RBFOX1: variants seen among roughly 807,000 people sequenced by gnomAD.
The protein encoded by RBFOX1 is RNA binding fox-1 homolog 1.
Under a neutral mutation model 57.7 loss-of-function variants are expected in RBFOX1, and 8 were observed. The observed-to-expected ratio is 0.14, with a 90% confidence interval of 0.08 to 0.25. RBFOX1 has a LOEUF of 0.25. RBFOX1 is among the 10% of genes least tolerant of loss of function. The pLI, the probability that RBFOX1 is intolerant of heterozygous loss-of-function variation, is 1.00. For missense variants in RBFOX1, 611 were observed against 548.5 expected (o/e 1.11, Z -1.14); for synonymous variants, 326 against 222.4 (o/e 1.47, Z -4.15).
intron 4 of RBFOX1, among the ~76,000 whole-genome samples, chr16:7,079,649 G>C (rs1419869329): frequency 1.3e-5 from 2 of 152,132 alleles, no homozygotes; most frequent in Non-Finnish European, 2.9e-5. Context: ...TGGAGAGACA[G>C]CCAGGAAGAT....
chr16:6,672,708 T>G (rs2098774413), intron 3 of RBFOX1, among the ~76,000 whole-genome samples: 1 of 152,162 alleles, frequency 6.6e-6, no homozygotes, highest in Non-Finnish European at 1.5e-5. Context: ...TCTGCTTTTC[T>G]TGGGTTTGGC....
chr16:6,185,610 T>C (rs570464128), intron 1 of RBFOX1, among the ~76,000 whole-genome samples: 1 of 152,296 alleles, frequency 6.6e-6, no homozygotes, highest in South Asian at 2.1e-4. Context: ...AGTACCAATG[T>C]ACACAGAGCA....
At chr16:5,500,626 A>T (rs1192501949) in intron 2 of RBFOX1, among the ~76,000 whole-genome samples, 2 of 152,068 alleles carry the variant, frequency 1.3e-5, no homozygotes, top group African/African-American at 4.8e-5. Flanking sequence ...CTCTCAACCT[A>T]AGTCACTCTA....
intron 4 of RBFOX1, among the ~76,000 whole-genome samples, chr16:7,097,517 G>C (rs2061907150): frequency 6.6e-6 from 1 of 152,204 alleles, no homozygotes. Context: ...TAATTGAGAA[G>C]TGTTAGAGAA....
intron 3 of RBFOX1, among the ~76,000 whole-genome samples, chr16:6,965,537 A>T (rs910805249): frequency 2.0e-5 from 3 of 152,060 alleles, no homozygotes; most frequent in Non-Finnish European, 1.5e-5. Flanking sequence ...GGGTTTCACC[A>T]TGTTGGCCAG....
chr16:6,917,642 T>A (rs1353149994), intron 3 of RBFOX1, among the ~76,000 whole-genome samples: 1 of 152,194 alleles, frequency 6.6e-6, no homozygotes, highest in African/African-American at 2.4e-5. Context: ...GGAGTTAAGA[T>A]GTTCCAGATA....
At chr16:6,308,037 A>G (rs979082987) in intron 1 of RBFOX1, among the ~76,000 whole-genome samples, 4 of 150,638 alleles carry the variant, frequency 2.7e-5, no homozygotes, top group Admixed American at 6.6e-5. Flanking sequence ...TGTTATTTAT[A>G]TAAGTTTCTT....
At chr16:5,485,626 G>C (rs1237600201) in intron 2 of RBFOX1, among the ~76,000 whole-genome samples, 1 of 152,180 alleles carries the variant, frequency 6.6e-6, no homozygotes, top group Non-Finnish European at 1.5e-5. Flanking sequence ...TCATTTCACA[G>C]ATAAAAGAAA....
At chr16:6,991,449 G>C (rs2091438099) in intron 3 of RBFOX1, among the ~76,000 whole-genome samples, 1 of 152,170 alleles carries the variant, frequency 6.6e-6, no homozygotes. Context: ...CTGACACAAT[G>C]ATTAGCACAA....
At chr16:5,610,935 A>T (rs980485626) in intron 3 of RBFOX1, among the ~76,000 whole-genome samples, 3 of 152,156 alleles carry the variant, frequency 2.0e-5, no homozygotes, top group African/African-American at 4.8e-5. Context: ...GAGCATTTTA[A>T]CACTCAAGTT....
At chr16:6,319,767 G>T (rs75422961) in intron 2 of RBFOX1, among the ~76,000 whole-genome samples, 4 of 152,148 alleles carry the variant, frequency 2.6e-5, no homozygotes, top group Admixed American at 2.0e-4. Flanking sequence ...GCTCACAGTA[G>T]CAGGGTCGGT....
chr16:5,611,470 C>G (rs1028781655), intron 3 of RBFOX1: 4 of 152,236 alleles, frequency 2.6e-5, no homozygotes, highest in Non-Finnish European at 5.9e-5. Flanking sequence ...TCCCTACCAG[C>G]GTTGTTGCTG....
intron 3 of RBFOX1, among the ~76,000 whole-genome samples, chr16:6,667,292 G>T (rs1032006075): frequency 6.6e-6 from 1 of 152,096 alleles, no homozygotes; most frequent in Non-Finnish European, 1.5e-5. Flanking sequence ...AAGCACTGAG[G>T]TAGATCGGGC....
intron 3 of RBFOX1, among the ~76,000 whole-genome samples, chr16:6,808,423 C>T (rs1418103365): frequency 6.6e-6 from 1 of 152,008 alleles, no homozygotes; most frequent in African/African-American, 2.4e-5. Flanking sequence ...AGTTCCTTTT[C>T]TTGCAGTGAA....
At chr16:5,498,564 G>A (rs879563165) in intron 2 of RBFOX1, among the ~76,000 whole-genome samples, 18 of 152,212 alleles carry the variant, frequency 1.2e-4, no homozygotes, top group Admixed American at 1.0e-3. Context: ...TGGGAGGAAA[G>A]GGGTGTGCAT....
At chr16:7,099,712 G>A (rs1199464994) in intron 4 of RBFOX1, among the ~76,000 whole-genome samples, 1 of 152,076 alleles carries the variant, frequency 6.6e-6, no homozygotes, top group East Asian at 1.9e-4. Context: ...TACCTGGAAG[G>A]GAGGGACACT....
chr16:5,458,120 G>T (rs928946504), intron 1 of RBFOX1, among the ~76,000 whole-genome samples: 3 of 152,080 alleles, frequency 2.0e-5, no homozygotes, highest in African/African-American at 7.2e-5. Context: ...ATTTGCAATG[G>T]ATATCAAATT....
intron 3 of RBFOX1, among the ~76,000 whole-genome samples, chr16:5,864,734 C>A (rs919159781): frequency 6.6e-6 from 1 of 152,130 alleles, no homozygotes; most frequent in Non-Finnish European, 1.5e-5. Flanking sequence ...GGAAGTCCAA[C>A]AGCCACATTC....
intron 1 of RBFOX1, among the ~76,000 whole-genome samples, chr16:6,304,964 A>C (rs1225017995): frequency 1.3e-5 from 2 of 152,006 alleles, no homozygotes; most frequent in African/African-American, 4.8e-5. Flanking sequence ...CAATGACAAC[A>C]ATCAACAGAA....
Sources: gnomAD v4.1 joint callset for allele counts (sites outside exome capture counted in the v4.1 genomes callset) on GRCh38, gnomAD v4.1.1 for gene constraint, MANE v1.5 for transcripts, NCBI Gene and HGNC (gene_info 2026-07-23, HGNC 2026-07-21) for gene names.